The following MDGA2 variants were observed in gnomAD, a reference collection of about 807,000 sequenced individuals.
MDGA2 encodes MAM domain-containing glycosylphosphatidylinositol anchor protein 2.
Under a neutral mutation model 117.8 loss-of-function variants are expected in MDGA2, and 40 were observed. The ratio of observed to expected loss-of-function variants is 0.34; its 90% confidence interval spans 0.26 to 0.44. The LOEUF (loss-of-function observed/expected upper bound fraction) is 0.44. Ranked by LOEUF, MDGA2 falls within the 20% of genes least tolerant of loss-of-function variation. MDGA2 has a pLI of 1.00. For missense variants in MDGA2, 1,123 were observed against 1,250.6 expected (o/e 0.90, Z 1.54); for synonymous variants, 452 against 439.0 (o/e 1.03, Z -0.37).
At chr14:47,590,436 TA>T (rs1468688075) in intron 1 of MDGA2, among the ~76,000 whole-genome samples, 3 of 151,776 alleles carry the variant, frequency 2.0e-5, no homozygotes. Flanking sequence ...GGGAAAGGTG[TA>T]AAAAAATACA....
chr14:46,851,301 G>A (rs1881046415), intron 15 of MDGA2, among the ~76,000 whole-genome samples: 1 of 151,726 alleles, frequency 6.6e-6, no homozygotes, highest in African/African-American at 2.4e-5. Flanking sequence ...AGCATTAAAA[G>A]GGGATGGTTA....
intron 1 of MDGA2, among the ~76,000 whole-genome samples, chr14:47,438,748 T>C (rs1350793771): frequency 6.6e-6 from 1 of 152,086 alleles, no homozygotes; most frequent in African/African-American, 2.4e-5. Flanking sequence ...CAGGGTTTAT[T>C]TTCCAGTGTA....
chr14:47,351,240 C>A (rs1048473269), intron 1 of MDGA2, among the ~76,000 whole-genome samples: 1 of 152,046 alleles, frequency 6.6e-6, no homozygotes, highest in Non-Finnish European at 1.5e-5. Context: ...TGCCACCATG[C>A]CCCGCTAATT....
At chr14:46,847,176 G>T (rs1030034760) in intron 15 of MDGA2, among the ~76,000 whole-genome samples, 5 of 151,974 alleles carry the variant, frequency 3.3e-5, no homozygotes, top group Admixed American at 2.0e-4. Flanking sequence ...GTCAACTTTT[G>T]TATTGAGACC....
At chr14:47,297,303 T>C (rs1889106073) in intron 2 of MDGA2, among the ~76,000 whole-genome samples, 1 of 152,080 alleles carries the variant, frequency 6.6e-6, no homozygotes, top group East Asian at 1.9e-4. Flanking sequence ...AGAGAAACAT[T>C]TATGTTAAAT....
chr14:47,242,837 C>T (rs1283122269), intron 2 of MDGA2, among the ~76,000 whole-genome samples: 1 of 151,858 alleles, frequency 6.6e-6, no homozygotes, highest in Non-Finnish European at 1.5e-5. Context: ...TAGCGCAGGG[C>T]ACAGGACTGG....
intron 10 of MDGA2, among the ~76,000 whole-genome samples, chr14:46,885,914 T>C (rs908315547): frequency 6.6e-6 from 1 of 152,126 alleles, no homozygotes; most frequent in Non-Finnish European, 1.5e-5. Flanking sequence ...AGTAACCAAA[T>C]GTGTCCAACC....
intron 1 of MDGA2, among the ~76,000 whole-genome samples, chr14:47,507,553 C>T (rs961328041): frequency 6.6e-5 from 10 of 152,154 alleles, no homozygotes; most frequent in Non-Finnish European, 1.5e-4. Context: ...TGATAAACCT[C>T]TCACTTTTAG....
At chr14:47,481,348 G>A (rs141252359) in intron 1 of MDGA2, among the ~76,000 whole-genome samples, 471 of 152,018 alleles carry the variant, frequency 3.1e-3, no homozygotes, top group African/African-American at 4.3e-3. Context: ...ATGATACACC[G>A]GTTTACGGGA....
At position 46,969,651 on chromosome 14, in the gene MDGA2, C is replaced by A. The variant is rs1000551225; in HGVS notation, c.1820-12008G>T. Among the ~76,000 whole-genome samples the A allele has an allele frequency of 1.2e-4, 18 of 151,834 alleles. No individual in the cohort carries two copies. In the East Asian group the frequency reaches 2.0e-3, roughly 16 times the overall value. On this transcript the variant is annotated intron_variant, in intron 8 of 16. Transcript: ENST00000399232. ...GTTCATTGTAGATTCTGGATATTAG[C>A]CCTTTGTCAGATAAGTAGATCGCAA... is the stretch of plus-strand genomic sequence containing the variant.
At chr14:47,355,246 A>T (rs994116925) in intron 1 of MDGA2, among the ~76,000 whole-genome samples, 2 of 152,176 alleles carry the variant, frequency 1.3e-5, no homozygotes, top group Admixed American at 6.5e-5. Context: ...ACCTATGATC[A>T]GCCCTGAATG....
chr14:47,505,232 G>A (rs1288354460), intron 1 of MDGA2, among the ~76,000 whole-genome samples: 1 of 152,090 alleles, frequency 6.6e-6, no homozygotes, highest in Non-Finnish European at 1.5e-5. Context: ...ATGGAGAAAG[G>A]TTGGTCAACA....
At chr14:47,003,236 T>C (rs1194858014) in intron 8 of MDGA2, among the ~76,000 whole-genome samples, 2 of 152,122 alleles carry the variant, frequency 1.3e-5, no homozygotes, top group Non-Finnish European at 1.5e-5. Context: ...TTGCCAGCTT[T>C]TGACTATCAC....
chr14:47,143,957 A>G (rs1229758394), intron 4 of MDGA2, 121 bp downstream of exon 4: 18 of 589,948 alleles, frequency 3.1e-5, no homozygotes, highest in Non-Finnish European at 4.6e-5. Flanking sequence ...TCAAGCACAC[A>G]TTGGTTTTTG....
At chr14:46,897,798 T>C (rs1437153613) in intron 10 of MDGA2, among the ~76,000 whole-genome samples, 2 of 151,976 alleles carry the variant, frequency 1.3e-5, no homozygotes, top group Non-Finnish European at 2.9e-5. Flanking sequence ...TCAAAATGTA[T>C]AATAATAATC....
At chr14:47,402,947 T>C (rs1392951922) in intron 1 of MDGA2, among the ~76,000 whole-genome samples, 1 of 152,204 alleles carries the variant, frequency 6.6e-6, no homozygotes, top group East Asian at 1.9e-4. Flanking sequence ...CTTCAGGCAT[T>C]TGGCACCATC....
chr14:47,120,541 G>C (rs552507451), intron 5 of MDGA2, among the ~76,000 whole-genome samples: 1 of 152,124 alleles, frequency 6.6e-6, no homozygotes. Flanking sequence ...CAGAAGAGTA[G>C]CAAGAAGAGT....
rs753936465 is a variant in MDGA2 at position 47,248,392 on chromosome 14, G to T, written c.421-30197C>A. ...TCACAGAAGAGAGAATATCATGTTA[G>T]AAAGTTTAGGAAAATAGATTAATGA... On this transcript the variant is annotated intron_variant, in intron 2 of 16. Transcript: ENST00000399232. 8.6e-5 allele frequency among the ~76,000 whole-genome samples: 13 copies of T among 151,530 alleles called. 1 individual carries two copies. Among genetic ancestry groups the T allele is most frequent in the Non-Finnish European group, 1.9e-4 (13 of 67,706 alleles).
At chr14:47,235,525 T>C (rs1594744226) in intron 2 of MDGA2, among the ~76,000 whole-genome samples, 1 of 152,172 alleles carries the variant, frequency 6.6e-6, no homozygotes, top group Admixed American at 6.6e-5. Context: ...TATCTTAGTC[T>C]GAATCCTTTA....
Sources: gnomAD v4.1 joint callset for allele counts (sites outside exome capture counted in the v4.1 genomes callset) on GRCh38, gnomAD v4.1.1 for gene constraint, MANE v1.5 for transcripts, NCBI Gene and HGNC (gene_info 2026-07-23, HGNC 2026-07-21) for gene names.